SLC24A2: variants seen among roughly 807,000 people sequenced by gnomAD.
SLC24A2 encodes sodium/potassium/calcium exchanger 2.
SLC24A2 carries 36 observed loss-of-function variants against 62.0 expected under a neutral mutation model. The observed-to-expected ratio is 0.58, with a 90% CI of 0.44 to 0.77. The LOEUF (loss-of-function observed/expected upper bound fraction) is 0.77. Among genes scored for constraint, SLC24A2 ranks in the 30% least tolerant of loss-of-function variants. The probability of loss-of-function intolerance (pLI) is 0.00; values close to 1 mark genes in which losing one functional copy is unlikely to be tolerated. For synonymous variants in SLC24A2, 358 were observed against 294.0 expected (o/e 1.22, Z -2.23); for missense variants, 846 against 817.9 (o/e 1.03, Z -0.42).
chr9:19,881,786 A>G, the SLC24A2 span, among the ~76,000 whole-genome samples: 1 of 152,212 alleles, frequency 6.6e-6, no homozygotes, highest in African/African-American at 2.4e-5. Flanking sequence ...CTAAGTCAAC[A>G]TTAGACATAA....
intron 2 of SLC24A2, among the ~76,000 whole-genome samples, chr9:19,640,088 T>C (rs578248978): frequency 6.6e-6 from 1 of 152,306 alleles, no homozygotes; most frequent in South Asian, 2.1e-4. Context: ...ACCTAATAAA[T>C]AAGGAAAATC....
intron 8 of SLC24A2, among the ~76,000 whole-genome samples, chr9:19,535,703 T>C (rs545626050): frequency 3.9e-5 from 6 of 152,296 alleles, no homozygotes; most frequent in African/African-American, 1.4e-4. Context: ...TTCTGTTCCA[T>C]TGGTCTATAT....
chr9:19,955,247 A>G, the SLC24A2 span, among the ~76,000 whole-genome samples: 93 of 152,226 alleles, frequency 6.1e-4, no homozygotes, highest in Admixed American at 6.1e-3. Flanking sequence ...AGATAAAGTT[A>G]TTATTCCATA....
intron 2 of SLC24A2, among the ~76,000 whole-genome samples, chr9:19,625,490 T>G (rs1486550246): frequency 1.3e-5 from 2 of 152,138 alleles, no homozygotes; most frequent in Non-Finnish European, 2.9e-5. Flanking sequence ...CCTCACCATT[T>G]ATAACAGCAA....
chr9:20,111,236 A>T, the SLC24A2 span, among the ~76,000 whole-genome samples: 2 of 152,130 alleles, frequency 1.3e-5, no homozygotes, highest in African/African-American at 4.8e-5. Flanking sequence ...AGGGTGACAG[A>T]GACATATATT....
intron 2 of SLC24A2, among the ~76,000 whole-genome samples, chr9:19,742,851 T>C (rs1240121534): frequency 6.6e-6 from 1 of 151,834 alleles, no homozygotes; most frequent in Non-Finnish European, 1.5e-5. Context: ...GCCACAAACA[T>C]ACCTCTAATG....
chr9:20,075,538 A>C, the SLC24A2 span, among the ~76,000 whole-genome samples: 1 of 151,996 alleles, frequency 6.6e-6, no homozygotes, highest in African/African-American at 2.4e-5. Context: ...AATGTGGACT[A>C]CAATTCACAC....
the SLC24A2 span, among the ~76,000 whole-genome samples, chr9:20,144,541 G>T: frequency 2.0e-5 from 3 of 152,254 alleles, no homozygotes; most frequent in South Asian, 6.2e-4. Flanking sequence ...CTTCTTGTCA[G>T]CTTTCTGAAA....
chr9:19,920,794 A>G, the SLC24A2 span, among the ~76,000 whole-genome samples: 2 of 152,208 alleles, frequency 1.3e-5, no homozygotes, highest in Non-Finnish European at 2.9e-5. Flanking sequence ...TGACCTATAC[A>G]ACCTACATGA....
At chr9:19,813,317 C>CTTTTTTTT in the SLC24A2 span, among the ~76,000 whole-genome samples, 9 of 86,282 alleles carry the variant, frequency 1.0e-4, no homozygotes, top group Admixed American at 3.3e-4. Context: ...TCATCTTCCT[C>CTTTTTTTT]TTTTTTTTTT....
In SLC24A2 at chr9:19,755,493, G is replaced by A. The variant is rs139304739; in HGVS notation, c.930+30444C>T. Reference sequence around the variant, plus strand: ...AAGTGAAAACATAATTGTATCTACCGTACTGTGTTACGGAAATAGTGTGAA... The same window carrying A: ...AAGTGAAAACATAATTGTATCTACCATACTGTGTTACGGAAATAGTGTGAA... On this transcript the variant is annotated intron_variant, in intron 2 of 10. Transcript: ENST00000341998. Among the ~76,000 whole-genome samples, 212 of 152,274 alleles carry A rather than the reference G, an allele frequency of 1.4e-3. 3 individuals are homozygous for A. The highest frequency in any genetic ancestry group is 6.8e-3 in the Middle Eastern group (2 of 294).
intron 2 of SLC24A2, among the ~76,000 whole-genome samples, chr9:19,676,488 T>C (rs1326521788): frequency 6.6e-6 from 1 of 152,240 alleles, no homozygotes; most frequent in African/African-American, 2.4e-5. Flanking sequence ...CTGCGGCAGC[T>C]GACTGTGTGC....
intron 4 of SLC24A2, among the ~76,000 whole-genome samples, chr9:19,617,548 G>A (rs879519044): frequency 6.6e-6 from 1 of 152,190 alleles, no homozygotes; most frequent in Non-Finnish European, 1.5e-5. Flanking sequence ...GAATGACAAC[G>A]TAAATGATGA....
At chr9:19,617,857 C>T (rs1179992414) in intron 4 of SLC24A2, among the ~76,000 whole-genome samples, 3 of 152,176 alleles carry the variant, frequency 2.0e-5, no homozygotes, top group Non-Finnish European at 4.4e-5. Flanking sequence ...TGGGCTGCTG[C>T]ATGGAACATA....
At chr9:20,182,202 T>C in the SLC24A2 span, among the ~76,000 whole-genome samples, 3 of 152,210 alleles carry the variant, frequency 2.0e-5, no homozygotes, top group Non-Finnish European at 4.4e-5. Context: ...AGTTCAACCA[T>C]TGTGGAAAAC....
At chr9:19,857,870 T>C in the SLC24A2 span, among the ~76,000 whole-genome samples, 2 of 152,116 alleles carry the variant, frequency 1.3e-5, no homozygotes, top group Non-Finnish European at 2.9e-5. Context: ...TGTTGCTATA[T>C]TTTTCCTCAT....
chr9:19,524,895 C>G (rs530695760), intron 9 of SLC24A2, among the ~76,000 whole-genome samples: 7 of 152,242 alleles, frequency 4.6e-5, no homozygotes, highest in African/African-American at 1.7e-4. Flanking sequence ...AAAGAAATAT[C>G]TGGGAAACAA....
chr9:19,600,042 G>A (rs957599464), intron 4 of SLC24A2, among the ~76,000 whole-genome samples: 1 of 152,160 alleles, frequency 6.6e-6, no homozygotes, highest in Non-Finnish European at 1.5e-5. Context: ...AGCACTGTTC[G>A]CTGTATCAGT....
the SLC24A2 span, among the ~76,000 whole-genome samples, chr9:20,049,135 A>T: frequency 6.6e-6 from 1 of 152,184 alleles, no homozygotes; most frequent in African/African-American, 2.4e-5. Flanking sequence ...CTTATCTAGC[A>T]ACAGACAAGA....
Sources: allele counts gnomAD v4.1 joint callset (sites outside exome capture counted in the v4.1 genomes callset), GRCh38; gene constraint gnomAD v4.1.1; transcripts MANE v1.5; gene names NCBI Gene and HGNC (gene_info 2026-07-23, HGNC 2026-07-21).